CDC73: variants seen among roughly 807,000 people sequenced by gnomAD.
CDC73 encodes cell division cycle 73.
Under a neutral mutation model 83.7 loss-of-function variants are expected in CDC73, and 21 were observed. That is an observed-to-expected ratio of 0.25 (90% confidence interval 0.18 to 0.36). CDC73 has a LOEUF of 0.36. CDC73 is among the 10% of genes least tolerant of loss of function. The pLI is 1.00. For synonymous variants in CDC73, 224 were observed against 212.9 expected, an observed-to-expected ratio of 1.05 and a Z score of -0.45; for missense variants, 342 against 653.3, an observed-to-expected ratio of 0.52 and a Z score of 5.19.
At chr1:193,126,602 A>G (rs1391542370) in intron 2 of CDC73, among the ~76,000 whole-genome samples, 3 of 152,204 alleles carry the variant, frequency 2.0e-5, no homozygotes, top group Non-Finnish European at 1.5e-5. Flanking sequence ...TATTTTTGGT[A>G]GAGTTGAACA....
chr1:193,165,148 C>T (rs1676414015), intron 10 of CDC73, among the ~76,000 whole-genome samples: 1 of 152,154 alleles, frequency 6.6e-6, no homozygotes, highest in Non-Finnish European at 1.5e-5. Flanking sequence ...CCTTAAGTAC[C>T]TGAGATTGCA....
rs1160343764 is a variant in CDC73, at chr1:193,252,128, T to C, written c.*1416T>C. The C allele has an allele frequency of 3.5e-5, 8 of 231,034 alleles. No individual in the cohort carries two copies. The East Asian group carries it at 4.3e-4, about 12-fold the overall frequency. The allele number at this position is 231,034 out of a possible 1,614,324, so 14.3% of individuals were successfully genotyped here. A position where few individuals can be genotyped will look rare whatever the true frequency, so the allele number is the denominator to read the frequency against. ...ATACCACTAGTAACTAGAAAAGATA[T>C]TTATTCACATGATATTTACAAGGCT... On this transcript the variant is annotated 3_prime_UTR_variant, in exon 17 of 17. Transcript: ENST00000367435.
intron 6 of CDC73, 125 bp from the exon 7 acceptor site, chr1:193,141,725 A>G (rs1210614222): frequency 4.4e-6 from 3 of 688,078 alleles, no homozygotes; most frequent in African/African-American, 3.6e-5. Context: ...AGTCTTACAG[A>G]TAAGAAAACC....
At chr1:193,187,929 T>C (rs1031827178) in intron 10 of CDC73, among the ~76,000 whole-genome samples, 5 of 152,232 alleles carry the variant, frequency 3.3e-5, no homozygotes, top group South Asian at 2.1e-4. Flanking sequence ...CCCAACTTCC[T>C]TGTAGTCTAT....
chr1:193,159,685 AG>A (rs1422576838), intron 10 of CDC73, among the ~76,000 whole-genome samples: 5 of 152,150 alleles, frequency 3.3e-5, no homozygotes, highest in African/African-American at 1.2e-4. Context: ...TTTTGATTGC[AG>A]TATGGAATTA....
chr1:193,198,268 A>G (rs1486710385), intron 10 of CDC73, among the ~76,000 whole-genome samples: 1 of 152,204 alleles, frequency 6.6e-6, no homozygotes, highest in African/African-American at 2.4e-5. Context: ...ATGCCTCCCA[A>G]AATTTGTGTG....
At chr1:193,217,893 A>AC (rs1677398705) in intron 13 of CDC73, among the ~76,000 whole-genome samples, 1 of 152,158 alleles carries the variant, frequency 6.6e-6, no homozygotes, top group African/African-American at 2.4e-5. Context: ...CTGTATCAGT[A>AC]CTGGAAGTAC....
intron 3 of CDC73, among the ~76,000 whole-genome samples, chr1:193,130,960 T>G (rs1043584200): frequency 1.3e-5 from 2 of 152,236 alleles, no homozygotes; most frequent in Admixed American, 6.5e-5. Flanking sequence ...CTCTAATTCT[T>G]GAAGTTTCCA....
intron 7 of CDC73, among the ~76,000 whole-genome samples, chr1:193,143,132 T>C (rs1423497576): frequency 6.6e-6 from 1 of 152,212 alleles, no homozygotes; most frequent in Non-Finnish European, 1.5e-5. Context: ...GAAAAGAGTA[T>C]ATGAAGAAAA....
At chr1:193,243,302 A>ATTTT (rs534369743) in intron 15 of CDC73, among the ~76,000 whole-genome samples, 1 of 152,000 alleles carries the variant, frequency 6.6e-6, no homozygotes, top group Admixed American at 6.6e-5. Context: ...AATAGGAAAG[A>ATTTT]TTTTTTTTAA....
chr1:193,132,895 A>ATTTTTTT (rs781435930), intron 3 of CDC73, among the ~76,000 whole-genome samples: 1 of 113,196 alleles, frequency 8.8e-6, no homozygotes. Flanking sequence ...TTTCCTGTAG[A>ATTTTTTT]TTTTTTTTTT....
intron 3 of CDC73, among the ~76,000 whole-genome samples, chr1:193,133,556 T>C (rs1176718839): frequency 4.6e-5 from 7 of 152,332 alleles, no homozygotes; most frequent in Admixed American, 1.3e-4. Context: ...AAAAAAACTT[T>C]ATCTGTTAGG....
chr1:193,162,493 C>T (rs1676356787), intron 10 of CDC73, among the ~76,000 whole-genome samples: 1 of 150,896 alleles, frequency 6.6e-6, no homozygotes, highest in Admixed American at 6.7e-5. Context: ...CTGCCTCAGC[C>T]TCCTGAGTAG....
intron 10 of CDC73, among the ~76,000 whole-genome samples, chr1:193,182,075 A>T (rs1185660267): frequency 6.6e-6 from 1 of 152,182 alleles, no homozygotes; most frequent in East Asian, 1.9e-4. Flanking sequence ...AATTGATTTG[A>T]CATACTATTG....
At chr1:193,168,501 A>G (rs1387506299) in intron 10 of CDC73, among the ~76,000 whole-genome samples, 2 of 151,464 alleles carry the variant, frequency 1.3e-5, no homozygotes, top group African/African-American at 4.8e-5. Flanking sequence ...GTACCACATA[A>G]GGTTTCTGTT....
In CDC73 at chr1:193,205,195, TCCCC is replaced by T. The variant is rs34118735; in HGVS notation, c.1030+1353_1030+1356del. Among the ~76,000 whole-genome samples the T allele has an allele frequency of 2.8e-4, 18 of 64,468 alleles. 2 individuals carry two copies. Among genetic ancestry groups the T allele is most frequent in the African/African-American group, 1.6e-3 (15 of 9,258 alleles). The allele number at this position is 64,468 out of a possible 152,430, so 42.3% of individuals were successfully genotyped here. A position where few individuals can be genotyped will look rare whatever the true frequency, so the allele number is the denominator to read the frequency against. On this transcript the variant is annotated intron_variant, in intron 11 of 16. Coordinates refer to ENST00000367435, the MANE Select transcript of CDC73 (RefSeq NM_024529.5). ...TTTCAGTGCTAGGCTATACCACCTG[TCCCC>T]CCCCCCCCCTTTTTTTTTAAACTCA...
chr1:193,178,274 C>G (rs1160172630), intron 10 of CDC73, among the ~76,000 whole-genome samples: 1 of 151,958 alleles, frequency 6.6e-6, no homozygotes, highest in African/African-American at 2.4e-5. Flanking sequence ...TATCGTTTTT[C>G]AAGATAATGT....
At chr1:193,184,990 C>A (rs1467937328) in intron 10 of CDC73, among the ~76,000 whole-genome samples, 1 of 151,820 alleles carries the variant, frequency 6.6e-6, no homozygotes, top group Non-Finnish European at 1.5e-5. Context: ...GTTCTTGAGC[C>A]CTGAGTTGCT....
intron 7 of CDC73, among the ~76,000 whole-genome samples, chr1:193,144,513 T>C (rs1237843033): frequency 6.6e-6 from 1 of 152,234 alleles, no homozygotes; most frequent in African/African-American, 2.4e-5. Context: ...GCAGTGATGG[T>C]ACACAATCAA....
Sources: allele counts gnomAD v4.1 joint callset (sites outside exome capture counted in the v4.1 genomes callset), GRCh38; gene constraint gnomAD v4.1.1; transcripts MANE v1.5; gene names NCBI Gene and HGNC (gene_info 2026-07-23, HGNC 2026-07-21).